The following TRIP4 variants were observed in gnomAD, a reference collection of about 807,000 sequenced individuals.
The protein encoded by TRIP4 is activating signal cointegrator 1.
Under a neutral mutation model 81.8 loss-of-function variants are expected in TRIP4, and 54 were observed. That is an observed-to-expected ratio of 0.66 (90% CI 0.53 to 0.83). The LOEUF is 0.83. TRIP4 is among the 40% of genes least tolerant of loss of function. TRIP4 has a pLI of 0.00. For missense variants in TRIP4, 662 were observed against 683.6 expected (o/e 0.97, Z 0.35); for synonymous variants, 270 against 242.8 (o/e 1.11, Z -1.04).
rs568961583 is a variant in TRIP4, at chr15:64,451,637, A to G, written c.1679-3360A>G. Among the ~76,000 whole-genome samples the G allele has an allele frequency of 5.0e-3, 749 of 151,278 alleles. 9 individuals are homozygous for G. The highest frequency in any genetic ancestry group is 0.017 in the African/African-American group (720 of 41,206). Reference sequence around the variant, plus strand: ...TAGGCCTGCACCACCATACCCGGCTAATTTTTTATTGCTTTTATTTTTATT... The same window carrying G: ...TAGGCCTGCACCACCATACCCGGCTGATTTTTTATTGCTTTTATTTTTATT... On this transcript the variant is annotated intron_variant, in intron 12 of 12. Coordinates refer to ENST00000261884, the MANE Select transcript of TRIP4 (RefSeq NM_016213.5).
intron 11 of TRIP4, among the ~76,000 whole-genome samples, chr15:64,437,960 G>A (rs780586835): frequency 6.6e-6 from 1 of 152,188 alleles, no homozygotes; most frequent in Non-Finnish European, 1.5e-5. Flanking sequence ...TCTGATGATT[G>A]GAATGTTTAG....
At chr15:64,400,396 A>G (rs1382591275) in intron 4 of TRIP4, among the ~76,000 whole-genome samples, 2 of 151,380 alleles carry the variant, frequency 1.3e-5, no homozygotes, top group Non-Finnish European at 2.9e-5. Flanking sequence ...CTGGTCTCGA[A>G]TTCCTGCACT....
chr15:64,444,856 G>A (rs1302846686), intron 11 of TRIP4, 150 bp from the exon 12 acceptor site: 1 of 462,602 alleles, frequency 2.2e-6, no homozygotes, highest in East Asian at 4.2e-5. Flanking sequence ...GTGAAGGTTT[G>A]TTCTTGCTTG....
chr15:64,411,330 A>G (rs1462127924), intron 7 of TRIP4, among the ~76,000 whole-genome samples: 3 of 152,198 alleles, frequency 2.0e-5, no homozygotes, highest in African/African-American at 2.4e-5. Flanking sequence ...TGATGTGTCA[A>G]TGTAGGTTGA....
At chr15:64,435,143 G>T (rs1225501934) in intron 11 of TRIP4, among the ~76,000 whole-genome samples, 1 of 146,152 alleles carries the variant, frequency 6.8e-6, no homozygotes, top group Non-Finnish European at 1.5e-5. Context: ...TTGAGCCGGG[G>T]AGGCAAGGGT....
chr15:64,388,436 A>G (rs1900017660), intron 1 of TRIP4, among the ~76,000 whole-genome samples: 1 of 152,086 alleles, frequency 6.6e-6, no homozygotes. Context: ...CCTCCCAAGT[A>G]GCTGGGATTA....
intron 5 of TRIP4, 144 bp from the exon 6 acceptor site, chr15:64,406,186 T>G: frequency 1.1e-6 from 1 of 905,636 alleles, no homozygotes; most frequent in Non-Finnish European, 1.7e-6. Context: ...AGGCCTGGAC[T>G]GTGTACTTGT....
In TRIP4 at chr15:64,425,157, A is replaced by T. The variant is rs1892113930; in HGVS notation, c.1484-383A>T. Among the ~76,000 whole-genome samples the T allele has an allele frequency of 2.6e-5, 4 of 151,806 alleles. No homozygotes were observed. In the South Asian group the frequency reaches 8.3e-4, roughly 32 times the overall value. Reference sequence around the variant, plus strand: ...TTCTTATGGTTTTAACCACATTTTGATGTTTTTTTTTTCTTGTCACCTGTA... The same window carrying T: ...TTCTTATGGTTTTAACCACATTTTGTTGTTTTTTTTTTCTTGTCACCTGTA... On this transcript the variant is annotated intron_variant, in intron 10 of 12. Coordinates refer to ENST00000261884, the MANE Select transcript of TRIP4 (RefSeq NM_016213.5).
Position 64,449,585 on chromosome 15 carries a change from TAA to T in TRIP4, c.1678+4482_1678+4483del, listed in dbSNP as rs397965797. 8.4e-3 allele frequency among the ~76,000 whole-genome samples: 1,267 copies of T among 151,670 alleles called. 17 individuals are homozygous for T. Among genetic ancestry groups the T allele is most frequent in the African/African-American group, 0.029 (1,211 of 41,432 alleles). ...ATGTGTTGTATCATATATATATATA[TAA>T]AAAATATATGGATGTATAAATGCCT... On this transcript the variant is annotated intron_variant, in intron 12 of 12. Transcript: ENST00000261884.
At chr15:64,449,908 C>T (rs1410656386) in intron 12 of TRIP4, among the ~76,000 whole-genome samples, 1 of 152,202 alleles carries the variant, frequency 6.6e-6, no homozygotes, top group East Asian at 1.9e-4. Flanking sequence ...CCCCTTTTAA[C>T]TTCTTGCCCA....
chr15:64,405,218 G>A (rs1196039280), intron 5 of TRIP4, among the ~76,000 whole-genome samples: 1 of 150,298 alleles, frequency 6.7e-6, no homozygotes, highest in Non-Finnish European at 1.5e-5. Context: ...GCAGTGGCAC[G>A]GTCTCGGCTC....
intron 9 of TRIP4, 50 bp downstream of exon 9, chr15:64,418,778 A>G (rs1891944428): frequency 6.7e-7 from 1 of 1,484,934 alleles, no homozygotes; most frequent in Non-Finnish European, 9.0e-7. Flanking sequence ...AGTGACATAA[A>G]TTTAATTTAG....
At chr15:64,414,290 G>C in intron 8 of TRIP4, 79 bp downstream of exon 8, 1 of 1,570,544 alleles carries the variant, frequency 6.4e-7, no homozygotes, top group Non-Finnish European at 8.7e-7. Flanking sequence ...CTATTTCATA[G>C]ACTTCAGATA....
At chr15:64,417,935 T>G (rs1275062076) in intron 8 of TRIP4, among the ~76,000 whole-genome samples, 1 of 152,194 alleles carries the variant, frequency 6.6e-6, no homozygotes, top group Non-Finnish European at 1.5e-5. Flanking sequence ...TAATTATAGC[T>G]CTTTTGGTGT....
intron 8 of TRIP4, 139 bp downstream of exon 8, chr15:64,414,350 C>T (rs759739074): frequency 3.6e-5 from 41 of 1,139,678 alleles, no homozygotes; most frequent in Non-Finnish European, 4.8e-5. Flanking sequence ...CTCAACACAC[C>T]TGCCAACCTT....
intron 3 of TRIP4, among the ~76,000 whole-genome samples, chr15:64,397,056 C>T (rs1407871999): frequency 1.3e-5 from 2 of 152,096 alleles, no homozygotes; most frequent in Admixed American, 6.6e-5. Flanking sequence ...TTATGAAGTT[C>T]TTATTAGGTT....
Position 64,425,727 on chromosome 15 carries a change from G to T in TRIP4, c.1575+96G>T, listed in dbSNP as rs1892127066. 5 of 915,248 alleles carry T rather than the reference G, an allele frequency of 5.5e-6. No homozygotes were observed. The Admixed American group carries it at 1.3e-4, about 25-fold the overall frequency. The allele number at this position is 915,248 out of a possible 1,614,324, so 56.7% of individuals were successfully genotyped here. On this transcript the variant is annotated intron_variant, in intron 11 of 12. Coordinates refer to ENST00000261884, the MANE Select transcript of TRIP4 (RefSeq NM_016213.5). ...CTTTAAGAGGCTGGGCCTCTTAAAAGTGCTGGGATTATAGGCATGAGCCAC... is the reference window on the plus strand; with the variant it reads ...CTTTAAGAGGCTGGGCCTCTTAAAATTGCTGGGATTATAGGCATGAGCCAC...
At chr15:64,447,428 G>A (rs1167551123) in intron 12 of TRIP4, among the ~76,000 whole-genome samples, 2 of 152,130 alleles carry the variant, frequency 1.3e-5, no homozygotes, top group Non-Finnish European at 2.9e-5. Flanking sequence ...TAAAACACAG[G>A]TTCCTCAATC....
At chr15:64,435,139 CG>C (rs1790304776) in intron 11 of TRIP4, among the ~76,000 whole-genome samples, 2 of 130,164 alleles carry the variant, frequency 1.5e-5, no homozygotes, top group African/African-American at 5.7e-5. Flanking sequence ...TCCCTTGAGC[CG>C]GGGAGGCAAG....
Sources: allele counts gnomAD v4.1 joint callset (sites outside exome capture counted in the v4.1 genomes callset), GRCh38; gene constraint gnomAD v4.1.1; transcripts MANE v1.5; gene names NCBI Gene and HGNC (gene_info 2026-07-23, HGNC 2026-07-21).